CXCR5: variants seen among roughly 807,000 people sequenced by gnomAD.
CXCR5 encodes the protein C-X-C motif chemokine receptor 5, also known as C-X-C chemokine receptor type 5.
In CXCR5, 3 loss-of-function variants were observed where a neutral mutation model predicts 5.6. The ratio of observed to expected loss-of-function variants is 0.54; its 90% confidence interval spans 0.24 to 1.39. The LOEUF (loss-of-function observed/expected upper bound fraction) is 1.39. Ranked by LOEUF, CXCR5 falls within the 40% of genes most tolerant of loss-of-function variation. The pLI, the probability that CXCR5 is intolerant of heterozygous loss-of-function variation, is 0.16. For missense variants in CXCR5, 333 were observed against 494.6 expected (o/e 0.67, Z 3.10); for synonymous variants, 218 against 219.9 (o/e 0.99, Z 0.08).
In CXCR5 at chr11:118,894,495, C is replaced by T. The variant is rs771799488; in HGVS notation, c.951C>T (p.Leu317=). 1 of 1,607,040 alleles carries T rather than the reference C, an allele frequency of 6.2e-7. No individual in the cohort carries two copies. The highest frequency in any genetic ancestry group is 8.5e-7 in the Non-Finnish European group (1 of 1,175,452). The change falls in exon 2 of 2, where the codon CTC becomes CTT. Residue 317 remains leucine (L), a synonymous_variant. Coordinates refer to ENST00000292174, the MANE Select transcript of CXCR5 (RefSeq NM_001716.5). This position sits in a 1 kb window ranked among gnomAD's most constrained non-coding sequence, Gnocchi z 6.1. ...CEFLGLAHCC[L]NPMLYTFAGV... ...TCCTGGGCCTGGCCCACTGCTGCCT[C>T]AACCCCATGCTCTACACTTTCGCCG...
chr11:118,893,569 C>T lies in CXCR5; in HGVS notation c.52-27C>T. ...GAGGAAAGACAGGTCCTTAGGTCCT[C>T]ACCCTCCCGTCTCCTTGCCCTTGCA... is the stretch of plus-strand genomic sequence containing the variant. On this transcript the variant is annotated intron_variant, in intron 1 of 1. Coordinates refer to ENST00000292174, the MANE Select transcript of CXCR5 (RefSeq NM_001716.5). This position sits in a 1 kb window ranked among gnomAD's most constrained non-coding sequence, Gnocchi z 5.7. The T allele has an allele frequency of 6.5e-7, 1 of 1,544,420 alleles. No individual in the cohort carries two copies. The highest frequency in any genetic ancestry group is 2.3e-5 in the East Asian group (1 of 44,110).
chr11:118,887,355 G>A, intron 1 of CXCR5: 1 of 985,444 alleles, frequency 1.0e-6, no homozygotes, highest in Non-Finnish European at 1.2e-6. Flanking sequence ...ACACACCTGG[G>A]AGGCCTGTCT....
chr11:118,885,995 C>T (rs1939704864), intron 1 of CXCR5: 1 of 238,772 alleles, frequency 4.2e-6, no homozygotes, highest in African/African-American at 2.4e-5. Context: ...GCCAATGTCC[C>T]CTCAGAACAC....
intron 1 of CXCR5, 53 bp downstream of exon 1, chr11:118,884,045 C>A: frequency 6.4e-7 from 1 of 1,565,166 alleles, no homozygotes; most frequent in Non-Finnish European, 8.7e-7. Flanking sequence ...GGAATTCTAA[C>A]ATCCTTTGCC....
At position 118,894,156 on chromosome 11, in the gene CXCR5, C is replaced by T. The variant is rs1939859221; in HGVS notation, c.612C>T (p.Phe204=). The T allele has an allele frequency of 6.2e-7, 1 of 1,614,134 alleles. No homozygotes were observed. The highest frequency in any genetic ancestry group is 8.5e-7 in the Non-Finnish European group (1 of 1,180,032). ...HHNNSLPRCT[F]SQENQAETHA... is the part of the protein sequence containing the mutation. ...ACAACTCCCTGCCACGTTGCACCTT[C>T]TCCCAAGAGAACCAAGCAGAAACGC... is the stretch of plus-strand genomic sequence containing the variant. Residue 204 remains phenylalanine (F), a synonymous_variant, in exon 2 of 2, where the codon TTC becomes TTT. Transcript: ENST00000292174. This position sits in a 1 kb window ranked among gnomAD's most constrained non-coding sequence, Gnocchi z 6.1.
intron 1 of CXCR5, among the ~76,000 whole-genome samples, chr11:118,888,604 C>T (rs942434396): frequency 6.6e-5 from 10 of 152,218 alleles, no homozygotes; most frequent in African/African-American, 2.2e-4. Context: ...ACGTCACTCC[C>T]GTGACTCATC....
chr11:118,890,451 G>T (rs2137656243), intron 1 of CXCR5, among the ~76,000 whole-genome samples: 1 of 152,246 alleles, frequency 6.6e-6, no homozygotes, highest in South Asian at 2.1e-4. Context: ...TCCAAGAGGG[G>T]AGCCGGGAAG....
intron 1 of CXCR5, 144 bp downstream of exon 1, chr11:118,884,136 G>C (rs535243599): frequency 3.8e-6 from 3 of 787,066 alleles, no homozygotes; most frequent in African/African-American, 3.4e-5. Context: ...GTCAGCTCCC[G>C]CCCTTTAAGA....
At chr11:118,886,441 C>A (rs1002157571) in intron 1 of CXCR5, 12 of 422,534 alleles carry the variant, frequency 2.8e-5, no homozygotes, top group Non-Finnish European at 4.6e-5. Flanking sequence ...AAGACCAACT[C>A]GAGCCGCTTA....
chr11:118,884,434 T>G (rs1161441616), intron 1 of CXCR5, among the ~76,000 whole-genome samples: 1 of 152,130 alleles, frequency 6.6e-6, no homozygotes, highest in Non-Finnish European at 1.5e-5. Flanking sequence ...CATATGATTA[T>G]GTCATCAGGG....
chr11:118,892,554 G>C (rs1939828299), intron 1 of CXCR5, among the ~76,000 whole-genome samples: 1 of 152,084 alleles, frequency 6.6e-6, no homozygotes, highest in Admixed American at 6.5e-5. Flanking sequence ...GAAGAACAGA[G>C]CTGGGAGGTG....
chr11:118,886,228 T>C, intron 1 of CXCR5: 1 of 413,224 alleles, frequency 2.4e-6, no homozygotes, highest in South Asian at 1.7e-5. Flanking sequence ...TCCTTCTGCT[T>C]CCTATTCTCC....
rs1185434277 is a variant in CXCR5, at chr11:118,897,519, C to T, written c.*2856C>T. On this transcript the variant is annotated 3_prime_UTR_variant, in exon 2 of 2. Coordinates refer to ENST00000292174, the MANE Select transcript of CXCR5 (RefSeq NM_001716.5). ...AATCACTCAGCAGCAGACAGGCTGCCGCCCTGGGGGTCTCAGCCCTGCTAG... is the reference window on the plus strand; with the variant it reads ...AATCACTCAGCAGCAGACAGGCTGCTGCCCTGGGGGTCTCAGCCCTGCTAG... 4 of 334,726 alleles carry T rather than the reference C, an allele frequency of 1.2e-5. No homozygotes were observed. Among genetic ancestry groups the T allele is most frequent in the East Asian group, 8.8e-5 (1 of 11,386 alleles). The allele number at this position is 334,726 out of a possible 1,614,324, so 20.7% of individuals were successfully genotyped here.
rs1184639586 is a variant in CXCR5 at position 118,896,735 on chromosome 11, C to A, written c.*2072C>A. Reference sequence around the variant, plus strand: ...TTACAGCTGCCAGTGCAAGACCAGGCCCTCCAGGCCAGGAAGGCTAGGGAC... The same window carrying A: ...TTACAGCTGCCAGTGCAAGACCAGGACCTCCAGGCCAGGAAGGCTAGGGAC... On this transcript the variant is annotated 3_prime_UTR_variant, in exon 2 of 2. Transcript: ENST00000292174. The A allele has an allele frequency of 6.5e-6, 1 of 152,782 alleles. No individual in the cohort carries two copies. Among genetic ancestry groups the A allele is most frequent in the Non-Finnish European group, 1.5e-5 (1 of 68,104 alleles). The allele number at this position is 152,782 out of a possible 1,614,324, so 9.5% of individuals were successfully genotyped here.
chr11:118,886,539 A>T, intron 1 of CXCR5: 1 of 366,170 alleles, frequency 2.7e-6, no homozygotes, highest in Non-Finnish European at 5.3e-6. Flanking sequence ...AACAAAAATT[A>T]GATGGCTAAG....
In CXCR5 at chr11:118,894,968, C is replaced by T. The variant is rs1266850343; in HGVS notation, c.*305C>T. On this transcript the variant is annotated 3_prime_UTR_variant, in exon 2 of 2. Coordinates refer to ENST00000292174, the MANE Select transcript of CXCR5 (RefSeq NM_001716.5). This position sits in a 1 kb window ranked among gnomAD's most constrained non-coding sequence, Gnocchi z 6.1. ...AACCTCACGCACCTCCCATCCTAAT[C>T]ATCCAATGCTCAAGAAACAACTTCT... is the stretch of plus-strand genomic sequence containing the variant. 1.8e-5 allele frequency: 6 copies of T among 337,428 alleles called. No homozygotes were observed. Among genetic ancestry groups the T allele is most frequent in the Admixed American group, 1.4e-4 (3 of 21,694 alleles). The allele number at this position is 337,428 out of a possible 1,614,324, so 20.9% of individuals were successfully genotyped here.
In CXCR5 at chr11:118,894,385, C is replaced by T. The variant is rs770441359; in HGVS notation, c.841C>T (p.Leu281=). The change falls in exon 2 of 2, where the codon CTG becomes TTG. Residue 281 remains leucine (L), a synonymous_variant. Transcript: ENST00000292174. This position sits in a 1 kb window ranked among gnomAD's most constrained non-coding sequence, Gnocchi z 6.1. The part of the protein sequence containing the change: ...CWSPYHIVIF[L]DTLARLKAVD... ...GTCACCCTACCACATCGTCATCTTCCTGGACACCCTGGCGAGGCTGAAGGC... is the reference window on the plus strand; with the variant it reads ...GTCACCCTACCACATCGTCATCTTCTTGGACACCCTGGCGAGGCTGAAGGC... 4.3e-6 allele frequency: 7 copies of T among 1,614,222 alleles called. No individual in the cohort carries two copies. In the Admixed American group the frequency reaches 5.0e-5, roughly 12 times the overall value.
At position 118,893,130 on chromosome 11, in the gene CXCR5, C is replaced by G. The variant is rs540018765; in HGVS notation, c.52-466C>G. Among the ~76,000 whole-genome samples, 168 of 152,312 alleles carry G rather than the reference C, an allele frequency of 1.1e-3. 2 individuals are homozygous for G. Among genetic ancestry groups the G allele is most frequent in the African/African-American group, 3.8e-3 (157 of 41,552 alleles). On this transcript the variant is annotated intron_variant, in intron 1 of 1. Transcript: ENST00000292174. The surrounding 1 kb of genome is among the most constrained non-coding windows in gnomAD (Gnocchi z 5.7). ...ACAGGAAGACCCATGAGGAGGGAGC[C>G]CACAGGCCAAGTCAGCACCCGCCCG... is the stretch of plus-strand genomic sequence containing the variant.
At chr11:118,885,529 C>T (rs950192684) in intron 1 of CXCR5, among the ~76,000 whole-genome samples, 1 of 152,212 alleles carries the variant, frequency 6.6e-6, no homozygotes. Flanking sequence ...CCCACCCTGG[C>T]CCCCGGTCAC....
Sources: gnomAD v4.1 joint callset for allele counts (sites outside exome capture counted in the v4.1 genomes callset) on GRCh38, gnomAD v4.1.1 for gene constraint, Gnocchi (gnomAD v3.1) non-coding constraint, MANE v1.5 for transcripts, NCBI Gene and HGNC (gene_info 2026-07-23, HGNC 2026-07-21) for gene names.